The following SORCS2 variants were observed in gnomAD, a reference collection of about 807,000 sequenced individuals.
SORCS2 encodes VPS10 domain-containing receptor SorCS2.
SORCS2 carries 100 observed loss-of-function variants against 141.6 expected under a neutral mutation model. The ratio of observed to expected loss-of-function variants is 0.71; its 90% CI spans 0.60 to 0.83. SORCS2 has a LOEUF of 0.83. SORCS2 is among the 40% of genes least tolerant of loss of function. SORCS2 has a pLI of 0.00. For missense variants in SORCS2, 1,646 were observed against 1,560.2 expected (o/e 1.05, Z -0.93); for synonymous variants, 789 against 676.9 (o/e 1.17, Z -2.57).
At chr4:7,268,313 A>T (rs1714882710) in intron 1 of SORCS2, among the ~76,000 whole-genome samples, 1 of 152,108 alleles carries the variant, frequency 6.6e-6, no homozygotes, top group East Asian at 1.9e-4. Flanking sequence ...TCAACCCTTT[A>T]CCTTAGTGGG....
intron 2 of SORCS2, among the ~76,000 whole-genome samples, chr4:7,466,228 G>A (rs1729606467): frequency 6.6e-6 from 1 of 152,204 alleles, no homozygotes; most frequent in African/African-American, 2.4e-5. Flanking sequence ...GAGTACATCT[G>A]GTTCACGCCC....
In SORCS2 at chr4:7,531,551, C is replaced by T. The variant is rs201760798; in HGVS notation, c.570C>T (p.Ser190=). The T allele has an allele frequency of 1.2e-6, 2 of 1,613,878 alleles. No homozygotes were observed. Among genetic ancestry groups the T allele is most frequent in the Non-Finnish European group, 1.7e-6 (2 of 1,179,836 alleles). Residue 190 remains serine (S), a synonymous_variant, in exon 3 of 27, where the codon TCC becomes TCT. Transcript: ENST00000507866. ...CCAGGTCATCAGATTTCGGGACGTC[C>T]TACACCAAGCTCACCCTCCAGCCTG... ...SLWRSSDFGT[S]YTKLTLQPGV...
At chr4:7,608,515 C>T (rs1469193377) in intron 3 of SORCS2, among the ~76,000 whole-genome samples, 1 of 152,214 alleles carries the variant, frequency 6.6e-6, no homozygotes, top group Non-Finnish European at 1.5e-5. Flanking sequence ...AATATCAGTT[C>T]AGCAGAAGCC....
chr4:7,365,569 C>A (rs756893042), intron 1 of SORCS2, among the ~76,000 whole-genome samples: 1 of 152,078 alleles, frequency 6.6e-6, no homozygotes, highest in African/African-American at 2.4e-5. Context: ...TCAGACAGCA[C>A]GCTGATGTGT....
Position 7,412,999 on chromosome 4 carries a change from C to T in SORCS2, c.548+16644C>T, listed in dbSNP as rs1030153925. ...GCTTTCAGAATGGAATCCACATCCA[C>T]GAGGCATCATGCGTGAATTTCAGTG... On this transcript the variant is annotated intron_variant, in intron 2 of 26. Transcript: ENST00000507866. Among the ~76,000 whole-genome samples, 11 of 152,130 alleles carry T rather than the reference C, an allele frequency of 7.2e-5. No individual in the cohort carries two copies. In the East Asian group the frequency reaches 9.6e-4, roughly 13 times the overall value.
chr4:7,375,219 C>G (rs1486223052), intron 1 of SORCS2, among the ~76,000 whole-genome samples: 1 of 152,180 alleles, frequency 6.6e-6, no homozygotes, highest in Non-Finnish European at 1.5e-5. Flanking sequence ...TCTGACAGAA[C>G]CTCTGTGTCC....
chr4:7,704,701 C>A (rs1305610881), intron 14 of SORCS2, among the ~76,000 whole-genome samples: 1 of 152,210 alleles, frequency 6.6e-6, no homozygotes, highest in South Asian at 2.1e-4. Flanking sequence ...CCATGAGGGG[C>A]AAAGGGGCCT....
chr4:7,336,919 G>T (rs143320884), intron 1 of SORCS2, among the ~76,000 whole-genome samples: 4 of 152,264 alleles, frequency 2.6e-5, no homozygotes, highest in Admixed American at 6.5e-5. Flanking sequence ...TCCCTGAGCC[G>T]CCCTGAGCCC....
At chr4:7,549,718 C>G (rs1004816630) in intron 3 of SORCS2, among the ~76,000 whole-genome samples, 17 of 152,320 alleles carry the variant, frequency 1.1e-4, no homozygotes, top group African/African-American at 4.1e-4. Flanking sequence ...GCCCACAGCC[C>G]GCTGCGCACA....
At chr4:7,358,326 C>G (rs1721385291) in intron 1 of SORCS2, among the ~76,000 whole-genome samples, 2 of 152,226 alleles carry the variant, frequency 1.3e-5, no homozygotes, top group Admixed American at 1.3e-4. Flanking sequence ...AGGCTGCTGT[C>G]AGTGATCCCA....
At chr4:7,644,710 G>A (rs547158142) in intron 4 of SORCS2, among the ~76,000 whole-genome samples, 2 of 152,268 alleles carry the variant, frequency 1.3e-5, no homozygotes, top group East Asian at 3.9e-4. Flanking sequence ...CCCTTCCTGG[G>A]CCCTCAAGCT....
At chr4:7,662,010 T>G (rs917994171) in intron 6 of SORCS2, among the ~76,000 whole-genome samples, 18 of 152,264 alleles carry the variant, frequency 1.2e-4, no homozygotes, top group African/African-American at 4.1e-4. Context: ...CAGGATCACC[T>G]GAGCCAGGAT....
intron 23 of SORCS2, among the ~76,000 whole-genome samples, chr4:7,730,650 C>T (rs1020283397): frequency 2.0e-5 from 3 of 152,164 alleles, no homozygotes; most frequent in South Asian, 2.1e-4. Flanking sequence ...GACCACGTAG[C>T]GTACAATTCC....
chr4:7,479,501 TG>T (rs975752016), intron 2 of SORCS2, among the ~76,000 whole-genome samples: 142 of 152,340 alleles, frequency 9.3e-4, no homozygotes, highest in African/African-American at 3.1e-3. Flanking sequence ...GTGCAGAGTT[TG>T]GACAACCCAG....
intron 3 of SORCS2, among the ~76,000 whole-genome samples, chr4:7,570,000 G>A (rs1300022176): frequency 6.6e-6 from 1 of 152,158 alleles, no homozygotes; most frequent in East Asian, 1.9e-4. Context: ...CCTGGGCAGG[G>A]GACGAGGGCT....
At position 7,638,467 on chromosome 4, in the gene SORCS2, T is replaced by C; in HGVS notation, c.788T>C (p.Val263Ala). 6.2e-7 allele frequency: 1 copy of C among 1,609,442 alleles called. No individual in the cohort carries two copies. Among genetic ancestry groups the C allele is most frequent in the Non-Finnish European group, 8.5e-7 (1 of 1,178,128 alleles). ...LIFHPKEEDKVLAYTKESKLY... is the reference protein window; with the variant it reads ...LIFHPKEEDKALAYTKESKLY... The stretch of plus-strand genomic sequence containing the variant: ...TTCCACCCTAAGGAGGAGGACAAGG[T>C]CCTCGCCTACACAAAGGAGAGCAAG... The change falls in exon 4 of 27, where the codon GTC becomes GCC. Residue 263 changes from valine to alanine, a missense_variant. Val to Ala is a moderately conservative substitution (Grantham distance 64). Transcript: ENST00000507866.
intron 8 of SORCS2, among the ~76,000 whole-genome samples, chr4:7,675,629 A>T (rs1723057591): frequency 6.6e-6 from 1 of 151,842 alleles, no homozygotes; most frequent in African/African-American, 2.4e-5. Flanking sequence ...GGGAGCAGAG[A>T]CTCACCTGGG....
chr4:7,554,316 A>C lies in SORCS2; in HGVS notation c.648+22687A>C, dbSNP rs887890677. ...AGTGCTTTGCGAGCTGTAACATAGG[A>C]GAGTTGTTTATTATTATTGAGGAGG... On this transcript the variant is annotated intron_variant, in intron 3 of 26. Coordinates refer to ENST00000507866, the MANE Select transcript of SORCS2 (RefSeq NM_020777.3). 1.5e-4 allele frequency among the ~76,000 whole-genome samples: 22 copies of C among 149,592 alleles called. 1 individual carries two copies. Among genetic ancestry groups the C allele is most frequent in the Admixed American group, 1.5e-3 (22 of 15,012 alleles).
At chr4:7,561,802 C>CCAAT in intron 3 of SORCS2, among the ~76,000 whole-genome samples, 1 of 150,360 alleles carries the variant, frequency 6.7e-6, no homozygotes, top group African/African-American at 2.5e-5. Context: ...CATCTGTCTA[C>CCAAT]CCATCTATAC....
Sources: allele counts gnomAD v4.1 joint callset (sites outside exome capture counted in the v4.1 genomes callset), GRCh38; gene constraint gnomAD v4.1.1; transcripts MANE v1.5; gene names NCBI Gene and HGNC (gene_info 2026-07-23, HGNC 2026-07-21).